PAPSS1: variants seen among roughly 807,000 people sequenced by gnomAD.
PAPSS1 encodes the protein 3'-phosphoadenosine 5'-phosphosulfate synthase 1.
Under a neutral mutation model 72.0 loss-of-function variants are expected in PAPSS1, and 50 were observed. The ratio of observed to expected loss-of-function variants is 0.69; its 90% confidence interval spans 0.55 to 0.88. The LOEUF is 0.88. Ranked by LOEUF, PAPSS1 falls within the 40% of genes least tolerant of loss-of-function variation. The probability of loss-of-function intolerance (pLI) is 0.00; values close to 1 mark genes in which losing one functional copy is unlikely to be tolerated. For synonymous variants in PAPSS1, 261 were observed against 263.6 expected, an observed-to-expected ratio of 0.99 and a Z score of 0.09; for missense variants, 657 against 782.2, an observed-to-expected ratio of 0.84 and a Z score of 1.91.
intron 1 of PAPSS1, among the ~76,000 whole-genome samples, chr4:107,719,443 C>T (rs1266881398): frequency 6.6e-6 from 1 of 152,184 alleles, no homozygotes; most frequent in Non-Finnish European, 1.5e-5. Flanking sequence ...GCAGTCATTA[C>T]TAAACGTTAT....
chr4:107,621,880 A>G (rs1189917388), intron 11 of PAPSS1, among the ~76,000 whole-genome samples: 2 of 151,568 alleles, frequency 1.3e-5, no homozygotes, highest in East Asian at 3.9e-4. Flanking sequence ...CACCCGCCTG[A>G]GCCTCCCAAA....
intron 1 of PAPSS1, among the ~76,000 whole-genome samples, chr4:107,717,517 T>C (rs1452688749): frequency 6.6e-6 from 1 of 152,200 alleles, no homozygotes; most frequent in Non-Finnish European, 1.5e-5. Flanking sequence ...AGAAATTAAG[T>C]GACCAACCAA....
chr4:107,674,196 A>G (rs1305463619), intron 5 of PAPSS1, among the ~76,000 whole-genome samples: 1 of 152,226 alleles, frequency 6.6e-6, no homozygotes, highest in East Asian at 1.9e-4. Context: ...TTAGCCTTAA[A>G]TGTAAATGGG....
chr4:107,675,703 C>A (rs934876464), intron 5 of PAPSS1, among the ~76,000 whole-genome samples: 3 of 152,208 alleles, frequency 2.0e-5, no homozygotes, highest in Admixed American at 2.0e-4. Context: ...CATCATCCTG[C>A]TACCAAAGCC....
At chr4:107,616,090 G>GAA (rs71951844) in intron 11 of PAPSS1, among the ~76,000 whole-genome samples, 1 of 149,876 alleles carries the variant, frequency 6.7e-6, no homozygotes, top group Non-Finnish European at 1.5e-5. Context: ...TAGAGAGAGA[G>GAA]AGAGAGAGAG....
intron 5 of PAPSS1, among the ~76,000 whole-genome samples, chr4:107,676,846 A>T (rs1727664799): frequency 6.6e-6 from 1 of 152,226 alleles, no homozygotes; most frequent in Non-Finnish European, 1.5e-5. Flanking sequence ...GATATAGACC[A>T]ATGGAACAGA....
intron 1 of PAPSS1, among the ~76,000 whole-genome samples, chr4:107,702,757 A>G (rs1723237495): frequency 1.3e-5 from 2 of 152,190 alleles, no homozygotes; most frequent in African/African-American, 4.8e-5. Context: ...CAACTGGTCA[A>G]CACTTAAGCT....
chr4:107,692,001 GA>G (rs1164015668), intron 3 of PAPSS1, among the ~76,000 whole-genome samples: 1 of 152,104 alleles, frequency 6.6e-6, no homozygotes, highest in South Asian at 2.1e-4. Flanking sequence ...GCAGAAGATT[GA>G]AACTGGACCC....
At chr4:107,685,973 G>GT (rs1288549390) in intron 4 of PAPSS1, among the ~76,000 whole-genome samples, 1 of 152,104 alleles carries the variant, frequency 6.6e-6, no homozygotes, top group Non-Finnish European at 1.5e-5. Context: ...TCTTTAGTTA[G>GT]TTTTTTTGTT....
chr4:107,701,362 CAA>C (rs1723202243), intron 1 of PAPSS1, 77 bp from the exon 2 acceptor site: 1 of 908,504 alleles, frequency 1.1e-6, no homozygotes, highest in Non-Finnish European at 1.7e-6. Context: ...TGCAAACACA[CAA>C]AAGTCTATGT....
At chr4:107,680,906 A>G (rs3805347) in intron 5 of PAPSS1, among the ~76,000 whole-genome samples, 27,603 of 152,216 alleles carry the variant, frequency 0.18, 2,951 homozygotes, top group East Asian at 0.37. Context: ...AAAGAAAAAC[A>G]TCAGAGCAGT....
intron 11 of PAPSS1, among the ~76,000 whole-genome samples, chr4:107,630,607 C>T (rs114154014): frequency 0.016 from 2,400 of 152,124 alleles, 31 homozygotes; most frequent in Middle Eastern, 0.031. Flanking sequence ...ACTGTGAAAA[C>T]GGATAAATAC....
At chr4:107,664,620 A>G (rs2110325851) in intron 5 of PAPSS1, among the ~76,000 whole-genome samples, 1 of 152,262 alleles carries the variant, frequency 6.6e-6, no homozygotes, top group Non-Finnish European at 1.5e-5. Context: ...ATGTTTCTAT[A>G]GATGATGTCT....
At chr4:107,656,809 A>G (rs1045015612) in intron 7 of PAPSS1, 87 bp downstream of exon 7, 11 of 899,028 alleles carry the variant, frequency 1.2e-5, no homozygotes, top group Non-Finnish European at 2.0e-5. Context: ...ACGTTACCCT[A>G]CTACTTTTTG....
intron 10 of PAPSS1, among the ~76,000 whole-genome samples, chr4:107,642,529 T>C (rs114012354): frequency 0.04 from 6,108 of 152,274 alleles, 158 homozygotes; most frequent in African/African-American, 0.064. Context: ...ACATAAGTTA[T>C]ACATTAACTA....
intron 5 of PAPSS1, among the ~76,000 whole-genome samples, chr4:107,665,718 G>C (rs1378930891): frequency 1.3e-5 from 2 of 152,148 alleles, no homozygotes; most frequent in East Asian, 3.9e-4. Context: ...AAATTTATAA[G>C]TATTAATTTA....
At chr4:107,679,999 C>T (rs577494668) in intron 5 of PAPSS1, among the ~76,000 whole-genome samples, 38 of 151,754 alleles carry the variant, frequency 2.5e-4, no homozygotes, top group African/African-American at 8.9e-4. Flanking sequence ...AATCAGCAAA[C>T]ATAAAAATCA....
chr4:107,617,767 A>G (rs1017604370), intron 11 of PAPSS1, among the ~76,000 whole-genome samples: 4 of 152,226 alleles, frequency 2.6e-5, no homozygotes, highest in African/African-American at 9.6e-5. Context: ...CTTCAAAATA[A>G]GATGGTTTGA....
At chr4:107,641,123 T>G (rs538730434) in intron 10 of PAPSS1, among the ~76,000 whole-genome samples, 121 of 152,360 alleles carry the variant, frequency 7.9e-4, no homozygotes, top group African/African-American at 2.8e-3. Flanking sequence ...TGACCTTCAG[T>G]GTCCATCCTT....
Sources: allele counts gnomAD v4.1 joint callset (sites outside exome capture counted in the v4.1 genomes callset), GRCh38; gene constraint gnomAD v4.1.1; transcripts MANE v1.5; gene names NCBI Gene and HGNC (gene_info 2026-07-23, HGNC 2026-07-21).